Variants in UNK observed in about 807,000 individuals in gnomAD.
The protein encoded by UNK is RING finger protein unkempt homolog.
A neutral mutation model predicts 97.6 loss-of-function variants in UNK; 32 were observed. The ratio of observed to expected loss-of-function variants is 0.33; its 90% CI spans 0.25 to 0.44. UNK has a LOEUF of 0.44. Among genes scored for constraint, UNK ranks in the 20% least tolerant of loss-of-function variants. The pLI, the probability that UNK is intolerant of heterozygous loss-of-function variation, is 1.00. For missense variants in UNK, 771 were observed against 1,098.4 expected (o/e 0.70, Z 4.21); for synonymous variants, 441 against 461.2 (o/e 0.96, Z 0.56).
intron 1 of UNK, among the ~76,000 whole-genome samples, chr17:75,789,800 G>GT (rs1179924825): frequency 6.6e-6 from 1 of 152,156 alleles, no homozygotes; most frequent in Non-Finnish European, 1.5e-5. Flanking sequence ...GTATCTACAA[G>GT]TTTAGCTACC....
Position 75,791,763 on chromosome 17 carries a change from T to C in UNK, c.104+6779T>C, listed in dbSNP as rs546474669. On this transcript the variant is annotated intron_variant, in intron 1 of 15. Transcript: ENST00000589666. The stretch of plus-strand genomic sequence containing the variant: ...AAGTTTTTTTGTTTTAATCCAGCTA[T>C]GTTAGATACTAAAGAAGGCTTCCCC... The C allele has an allele frequency of 2.7e-5, 27 of 985,416 alleles. No individual in the cohort carries two copies. In the South Asian group the frequency reaches 9.9e-4, roughly 36 times the overall value. The allele number at this position is 985,416 out of a possible 1,614,324, so 61.0% of individuals were successfully genotyped here.
intron 13 of UNK, among the ~76,000 whole-genome samples, chr17:75,820,738 T>C (rs1383521546): frequency 6.6e-6 from 1 of 152,170 alleles, no homozygotes; most frequent in Non-Finnish European, 1.5e-5. Flanking sequence ...TCCTCTTGTG[T>C]GTGTCAGGGG....
intron 3 of UNK, 77 bp from the exon 4 acceptor site, chr17:75,812,378 C>A (rs763561732): frequency 6.3e-7 from 1 of 1,582,110 alleles, no homozygotes; most frequent in East Asian, 2.2e-5. Context: ...CCTCAGACTG[C>A]AGTGGAGGGC....
In UNK at chr17:75,817,298, G is replaced by A. The variant is rs775694488; in HGVS notation, c.1105-28G>A. 1.9e-6 allele frequency: 3 copies of A among 1,541,902 alleles called. No homozygotes were observed. Among genetic ancestry groups the A allele is most frequent in the Non-Finnish European group, 2.6e-6 (3 of 1,142,688 alleles). On this transcript the variant is annotated intron_variant, in intron 8 of 15. Coordinates refer to ENST00000589666, the MANE Select transcript of UNK (RefSeq NM_001080419.3). The surrounding 1 kb of genome is among the most constrained non-coding windows in gnomAD (Gnocchi z 5.8). ...GCACCAGCCTGCGCTGTGCCCACGG[G>A]CCCACTCCCTCCCCTCCTTCTCCGC...
In UNK at chr17:75,823,413, G is replaced by A; in HGVS notation, c.2168G>A (p.Gly723Glu). The A allele has an allele frequency of 1.2e-6, 2 of 1,601,830 alleles. No homozygotes were observed. The highest frequency in any genetic ancestry group is 2.3e-5 in the East Asian group (1 of 44,424). ...LQEELERLHA[G>E]PEPQALPAFS... ...GAGGAGCTGGAGCGGCTACACGCGG[G>A]GCCTGAGCCCCAGGCCCTGCCCGCC... The change falls in exon 15 of 16, where the codon GGG becomes GAG. Residue 723 changes from glycine (G) to glutamate (E), a missense_variant. This residue lies in a region of UNK where 208 missense variants were observed against 257.4 expected (regional missense o/e 0.81). Coordinates refer to ENST00000589666, the MANE Select transcript of UNK (RefSeq NM_001080419.3).
In UNK at chr17:75,813,417, C is replaced by G. The variant is rs116358898; in HGVS notation, c.758+204C>G. On this transcript the variant is annotated intron_variant, in intron 5 of 15. Transcript: ENST00000589666. ...TTCACCTCCTGCATGAATGAGGACC[C>G]TGGTCAGACCGTCTCTGAGGCTCCA... Among the ~76,000 whole-genome samples the G allele has an allele frequency of 9.0e-3, 1,366 of 152,288 alleles. 22 individuals are homozygous for G. Among genetic ancestry groups the G allele is most frequent in the African/African-American group, 0.031 (1,306 of 41,558 alleles).
At position 75,810,008 on chromosome 17, in the gene UNK, T is replaced by G. The variant is rs779331461; in HGVS notation, c.314+39T>G. The G allele has an allele frequency of 4.4e-6, 7 of 1,607,524 alleles. No individual in the cohort carries two copies. The South Asian group carries it at 4.4e-5, about 10-fold the overall frequency. ...CCTGTCCTCAGAGGAGCCCCGTGTC[T>G]CCTTCTGGGTCAGATGCCCTCAGGG... On this transcript the variant is annotated intron_variant, in intron 2 of 15. Transcript: ENST00000589666.
chr17:75,815,839 T>C (rs2062011007), intron 7 of UNK, among the ~76,000 whole-genome samples: 2 of 141,652 alleles, frequency 1.4e-5, no homozygotes, highest in South Asian at 4.3e-4. Flanking sequence ...TGAGCCGAGA[T>C]CATGCCGCCG....
intron 1 of UNK, among the ~76,000 whole-genome samples, chr17:75,802,325 C>T (rs181531504): frequency 2.8e-3 from 392 of 142,020 alleles, no homozygotes; most frequent in Admixed American, 4.7e-3. Flanking sequence ...GTGGTGCAAC[C>T]GTAGCTCACT....
At chr17:75,795,496 C>T (rs1420381475) in intron 1 of UNK, among the ~76,000 whole-genome samples, 1 of 152,042 alleles carries the variant, frequency 6.6e-6, no homozygotes, top group South Asian at 2.1e-4. Flanking sequence ...CGCGCCACCA[C>T]ACCTGGCTAA....
Position 75,816,678 on chromosome 17 carries a change from G to A in UNK, c.962-92G>A. On this transcript the variant is annotated intron_variant, in intron 7 of 15. Transcript: ENST00000589666. The surrounding 1 kb of genome is among the most constrained non-coding windows in gnomAD (Gnocchi z 4.0). ...GGAACCTTCCCTTTATGTGCAGGGG[G>A]ATTTGTGGTCTCCTTTGGAAGGGAC... 6.9e-7 allele frequency: 1 copy of A among 1,438,894 alleles called. No individual in the cohort carries two copies. The highest frequency in any genetic ancestry group is 2.4e-5 in the Admixed American group (1 of 42,118). 89.1% of individuals were successfully genotyped at this position (1,438,894 alleles called of 1,614,324 possible). A position where few individuals can be genotyped will look rare whatever the true frequency, so the allele number is the denominator to read the frequency against.
chr17:75,797,258 T>A (rs900336489), intron 1 of UNK, among the ~76,000 whole-genome samples: 2 of 152,218 alleles, frequency 1.3e-5, no homozygotes, highest in Non-Finnish European at 2.9e-5. Context: ...GTTTTTGAGA[T>A]GGAGTTTCAC....
At chr17:75,812,934 G>A in intron 4 of UNK, 144 bp from the exon 5 acceptor site, 11 of 1,219,542 alleles carry the variant, frequency 9.0e-6, no homozygotes, top group Non-Finnish European at 1.2e-5. Context: ...TGGCCTGGGA[G>A]GAGGGGCCCT....
chr17:75,819,451 T>A lies in UNK; in HGVS notation c.1547-233T>A, dbSNP rs1567809104. The A allele has an allele frequency of 1.8e-6, 1 of 567,516 alleles. No homozygotes were observed. The allele number at this position is 567,516 out of a possible 1,614,324, so 35.2% of individuals were successfully genotyped here. ...ATGGGGATGTGATTTCTCCTGGAAG[T>A]ATCAAAGAAGATTCAGAAAGGAGAG... On this transcript the variant is annotated intron_variant, in intron 11 of 15. Transcript: ENST00000589666. This position sits in a 1 kb window ranked among gnomAD's most constrained non-coding sequence, Gnocchi z 5.4.
At chr17:75,800,044 C>G (rs2061841564) in intron 1 of UNK, among the ~76,000 whole-genome samples, 5 of 152,244 alleles carry the variant, frequency 3.3e-5, no homozygotes, top group African/African-American at 9.6e-5. Flanking sequence ...CTGCTGCCTG[C>G]TTTTTTAAGG....
chr17:75,813,688 T>C, intron 5 of UNK, 73 bp from the exon 6 acceptor site: 4 of 1,324,978 alleles, frequency 3.0e-6, no homozygotes, highest in Non-Finnish European at 3.1e-6. Flanking sequence ...TGAGGCTGGG[T>C]CCAGGTGGCA....
chr17:75,820,097 A>G lies in UNK; in HGVS notation c.1826A>G (p.His609Arg), dbSNP rs1649372164. ...ENTFLGTSAS[H>R]GSLGLNGMNS... ...ACATTTTTGGGAACCTCAGCATCAC[A>G]TGGATCTTTGGGTAAGAGAGGGAGT... The change falls in exon 13 of 16, where the codon CAT becomes CGT. Residue 609 changes from histidine (H) to arginine (R), a missense_variant. Coordinates refer to ENST00000589666, the MANE Select transcript of UNK (RefSeq NM_001080419.3). The G allele has an allele frequency of 1.2e-6, 2 of 1,610,716 alleles. No homozygotes were observed. Among genetic ancestry groups the G allele is most frequent in the Admixed American group, 1.7e-5 (1 of 59,680 alleles).
rs2062032378 is a variant in UNK at position 75,818,001 on chromosome 17, G to A, written c.1306-102G>A. On this transcript the variant is annotated intron_variant, in intron 9 of 15. Transcript: ENST00000589666. The surrounding 1 kb of genome is among the most constrained non-coding windows in gnomAD (Gnocchi z 5.1). Reference sequence around the variant, plus strand: ...GCATGCATGTGAAGAGGGGTTGCATGTCTGCCACCACCTGCCCCCTGGTAC... The same window carrying A: ...GCATGCATGTGAAGAGGGGTTGCATATCTGCCACCACCTGCCCCCTGGTAC... 1 of 1,147,426 alleles carries A rather than the reference G, an allele frequency of 8.7e-7. No homozygotes were observed. The allele number at this position is 1,147,426 out of a possible 1,614,324, so 71.1% of individuals were successfully genotyped here. A position where few individuals can be genotyped will look rare whatever the true frequency, so the allele number is the denominator to read the frequency against.
chr17:75,816,828 A>G lies in UNK; in HGVS notation c.1020A>G (p.Pro340=), dbSNP rs9908146. ...CAGCTGTGTCCAGCCCCACCCAGCCAGGTCCTGTCCTGTACATGCCATCTG... is the reference window on the plus strand; with the variant it reads ...CAGCTGTGTCCAGCCCCACCCAGCCGGGTCCTGTCCTGTACATGCCATCTG... ...PSSAVSSPTQ[P]GPVLYMPSAA... Residue 340 remains proline (P), a synonymous_variant, in exon 8 of 16, where the codon CCA becomes CCG. Transcript: ENST00000589666. This position sits in a 1 kb window ranked among gnomAD's most constrained non-coding sequence, Gnocchi z 4.0. 1,500,151 of 1,607,054 alleles carry G rather than the reference A, an allele frequency of 0.93. 703,677 individuals carry two copies. The highest frequency in any genetic ancestry group is 0.96 in the Non-Finnish European group (1,127,906 of 1,179,404).
Sources: gnomAD v4.1 joint callset for allele counts (sites outside exome capture counted in the v4.1 genomes callset) on GRCh38, gnomAD v4.1.1 for gene constraint, gnomAD v4.1.1 regional missense constraint, Gnocchi (gnomAD v3.1) non-coding constraint, MANE v1.5 for transcripts, NCBI Gene and HGNC (gene_info 2026-07-23, HGNC 2026-07-21) for gene names.